The following SAMTOR variants were observed in gnomAD, a reference collection of about 807,000 sequenced individuals.
The protein encoded by SAMTOR is S-adenosylmethionine sensor upstream of mTORC1, also known as UPF0532 protein C7orf60.
the SAMTOR span, among the ~76,000 whole-genome samples, chr7:112,934,590 A>G: frequency 6.6e-6 from 1 of 152,136 alleles, no homozygotes; most frequent in African/African-American, 2.4e-5. Flanking sequence ...TTAACTTTAG[A>G]TCAGGTTAGT....
At chr7:112,890,658 T>A in the SAMTOR span, among the ~76,000 whole-genome samples, 3 of 150,010 alleles carry the variant, frequency 2.0e-5, no homozygotes, top group Admixed American at 6.7e-5. Context: ...ATTATAAAAA[T>A]AAAAAAGTAT....
At chr7:112,910,152 C>T in the SAMTOR span, among the ~76,000 whole-genome samples, 2 of 151,410 alleles carry the variant, frequency 1.3e-5, no homozygotes, top group East Asian at 1.9e-4. Context: ...ATTTGAACAC[C>T]CCACCCCCCA....
the SAMTOR span, among the ~76,000 whole-genome samples, chr7:112,846,701 C>T: frequency 5.9e-5 from 9 of 152,148 alleles, no homozygotes; most frequent in Non-Finnish European, 1.0e-4. Context: ...CAACTTCTAA[C>T]GAGTACACCA....
the SAMTOR span, among the ~76,000 whole-genome samples, chr7:112,911,458 G>A: frequency 6.6e-6 from 1 of 152,024 alleles, no homozygotes; most frequent in Admixed American, 6.6e-5. Context: ...AGCAAAAAAA[G>A]CATGTCTCTC....
chr7:112,935,552 A>C, the SAMTOR span, among the ~76,000 whole-genome samples: 2 of 148,576 alleles, frequency 1.3e-5, no homozygotes, highest in Non-Finnish European at 3.0e-5. Context: ...TGACTTTAAG[A>C]ATACCTCTTT....
chr7:112,925,496 A>G, the SAMTOR span, among the ~76,000 whole-genome samples: 1 of 152,236 alleles, frequency 6.6e-6, no homozygotes, highest in Non-Finnish European at 1.5e-5. Flanking sequence ...CTTAGCGTCT[A>G]AAGAATGTAC....
the SAMTOR span, among the ~76,000 whole-genome samples, chr7:112,921,188 T>A: frequency 6.6e-6 from 1 of 152,182 alleles, no homozygotes; most frequent in Non-Finnish European, 1.5e-5. Context: ...GCTACCTGAC[T>A]TCAAACTATA....
the SAMTOR span, among the ~76,000 whole-genome samples, chr7:112,916,013 A>G: frequency 6.6e-6 from 1 of 152,210 alleles, no homozygotes; most frequent in Non-Finnish European, 1.5e-5. Flanking sequence ...AATGAAGTAA[A>G]TATTTCTATT....
the SAMTOR span, among the ~76,000 whole-genome samples, chr7:112,934,176 T>C: frequency 2.0e-4 from 31 of 152,268 alleles, no homozygotes; most frequent in African/African-American, 7.5e-4. Context: ...GAGTACTCCC[T>C]GTGTTCTGTG....
At chr7:112,827,226 A>G in the SAMTOR span, among the ~76,000 whole-genome samples, 3 of 152,152 alleles carry the variant, frequency 2.0e-5, no homozygotes, top group East Asian at 5.8e-4. Context: ...TTTTCCCCCA[A>G]TCTGCCAGTC....
chr7:112,822,574 T>G, the SAMTOR span, among the ~76,000 whole-genome samples: 17 of 152,138 alleles, frequency 1.1e-4, no homozygotes, highest in Non-Finnish European at 2.4e-4. Context: ...TCCAAAGACC[T>G]GCTAATCATC....
the SAMTOR span, among the ~76,000 whole-genome samples, chr7:112,898,907 C>A: frequency 5.9e-5 from 9 of 152,288 alleles, no homozygotes; most frequent in Admixed American, 5.9e-4. Flanking sequence ...GTTACAGTGA[C>A]CACAGGCTTA....
chr7:112,849,251 C>T, the SAMTOR span, among the ~76,000 whole-genome samples: 1 of 152,132 alleles, frequency 6.6e-6, no homozygotes, highest in Non-Finnish European at 1.5e-5. Flanking sequence ...CAGTAGTTTT[C>T]AAACCAACTT....
At chr7:112,927,062 T>C in the SAMTOR span, among the ~76,000 whole-genome samples, 1 of 152,042 alleles carries the variant, frequency 6.6e-6, no homozygotes, top group Non-Finnish European at 1.5e-5. Context: ...GAAAAAGTAT[T>C]TTCATAATAG....
At chr7:112,894,499 T>C in the SAMTOR span, among the ~76,000 whole-genome samples, 3 of 152,176 alleles carry the variant, frequency 2.0e-5, no homozygotes, top group Admixed American at 6.5e-5. Flanking sequence ...GGGTAATTTA[T>C]AAAGAAAAAG....
chr7:112,890,844 C>T, the SAMTOR span, among the ~76,000 whole-genome samples: 1 of 152,034 alleles, frequency 6.6e-6, no homozygotes, highest in Non-Finnish European at 1.5e-5. Context: ...GCACATGCCA[C>T]TACACCTGGC....
At chr7:112,822,134 G>T in the SAMTOR span, 9 of 1,613,886 alleles carry the variant, frequency 5.6e-6, no homozygotes, top group Non-Finnish European at 7.6e-6. Context: ...AATCAGGTGT[G>T]ATGATTAGTA....
At chr7:112,913,894 T>C in the SAMTOR span, among the ~76,000 whole-genome samples, 1 of 152,212 alleles carries the variant, frequency 6.6e-6, no homozygotes, top group Non-Finnish European at 1.5e-5. Flanking sequence ...ATTTTTCTCA[T>C]GGTGCTCACC....
the SAMTOR span, among the ~76,000 whole-genome samples, chr7:112,855,551 C>CCTTG: frequency 6.6e-6 from 1 of 152,132 alleles, no homozygotes; most frequent in Non-Finnish European, 1.5e-5. Context: ...GTCCCTGTTT[C>CCTTG]CTTGCTGGCT....
Sources: allele counts gnomAD v4.1 joint callset (sites outside exome capture counted in the v4.1 genomes callset), GRCh38; gene constraint gnomAD v4.1.1; transcripts MANE v1.5; gene names NCBI Gene and HGNC (gene_info 2026-07-23, HGNC 2026-07-21).